The following ST8SIA4 variants were observed in gnomAD, a reference collection of about 807,000 sequenced individuals.
The protein encoded by ST8SIA4 is ST8 alpha-N-acetyl-neuraminide alpha-2,8-sialyltransferase 4.
In ST8SIA4, 15 loss-of-function variants were observed where a neutral mutation model predicts 33.9. The observed-to-expected ratio is 0.44, with a 90% CI of 0.30 to 0.68. ST8SIA4 has a LOEUF of 0.68. ST8SIA4 is among the 30% of genes least tolerant of loss of function. The pLI is 0.10. For missense variants in ST8SIA4, 321 were observed against 428.0 expected, an observed-to-expected ratio of 0.75 and a Z score of 2.21; for synonymous variants, 171 against 151.2, an observed-to-expected ratio of 1.13 and a Z score of -0.96.
Position 100,886,495 on chromosome 5 carries a change from T to G in ST8SIA4, c.351A>C (p.Thr117=), listed in dbSNP as rs111610860. The G allele has an allele frequency of 3.2e-5, 52 of 1,613,820 alleles. No individual in the cohort carries two copies. The Admixed American group carries it at 4.0e-4, about 12-fold the overall frequency. The stretch of plus-strand genomic sequence containing the variant: ...TATGTAGATCATGAGAAATGTTTAG[T>G]GTCCGGCGCCTGTCAAGCACATAGT... ...VIHYVLDRRR[T]LNISHDLHSL... The change falls in exon 3 of 5, where the codon ACA becomes ACC. Residue 117 remains threonine, a synonymous_variant. Coordinates refer to ENST00000231461, the MANE Select transcript of ST8SIA4 (RefSeq NM_005668.6).
At chr5:100,831,790 C>T (rs1751267255) in intron 4 of ST8SIA4, among the ~76,000 whole-genome samples, 1 of 151,878 alleles carries the variant, frequency 6.6e-6, no homozygotes, top group Non-Finnish European at 1.5e-5. Context: ...TCAGGGGGCT[C>T]AAAAAATATA....
At chr5:100,879,571 T>C (rs1455396029) in intron 3 of ST8SIA4, among the ~76,000 whole-genome samples, 3 of 152,208 alleles carry the variant, frequency 2.0e-5, no homozygotes, top group Non-Finnish European at 4.4e-5. Flanking sequence ...GATGTGCACA[T>C]GTAAAGTAGC....
chr5:100,899,398 C>T (rs1392433402), intron 1 of ST8SIA4, among the ~76,000 whole-genome samples: 3 of 152,292 alleles, frequency 2.0e-5, no homozygotes, highest in Non-Finnish European at 2.9e-5. Flanking sequence ...TCTGCACTCA[C>T]GAGGTTGTGT....
intron 3 of ST8SIA4, among the ~76,000 whole-genome samples, chr5:100,870,032 T>G: frequency 6.6e-6 from 1 of 152,164 alleles, no homozygotes; most frequent in East Asian, 1.9e-4. Flanking sequence ...GTGTGTGATG[T>G]TCCCCACCCT....
At chr5:100,830,302 T>C (rs2112413808) in intron 4 of ST8SIA4, among the ~76,000 whole-genome samples, 1 of 152,344 alleles carries the variant, frequency 6.6e-6, no homozygotes, top group South Asian at 2.1e-4. Flanking sequence ...GTATAAGATA[T>C]TTGATTTCAT....
At chr5:100,876,024 T>C (rs1284195412) in intron 3 of ST8SIA4, among the ~76,000 whole-genome samples, 1 of 152,088 alleles carries the variant, frequency 6.6e-6, no homozygotes, top group Non-Finnish European at 1.5e-5. Flanking sequence ...ATTAGTCAAC[T>C]GAATATTTGG....
Position 100,807,602 on chromosome 5 carries a change from C to G in ST8SIA4, c.*4245G>C, listed in dbSNP as rs1750721398. The G allele has an allele frequency of 6.6e-6, 1 of 152,474 alleles. No homozygotes were observed. Among genetic ancestry groups the G allele is most frequent in the South Asian group, 2.1e-4 (1 of 4,822 alleles). 9.4% of individuals were successfully genotyped at this position (152,474 alleles called of 1,614,324 possible). A position where few individuals can be genotyped will look rare whatever the true frequency, so the allele number is the denominator to read the frequency against. On this transcript the variant is annotated 3_prime_UTR_variant, in exon 5 of 5. Coordinates refer to ENST00000231461, the MANE Select transcript of ST8SIA4 (RefSeq NM_005668.6). ...TATTAAGATTTGGACATACTAGACC[C>G]TTACTGTAACTCTACGTATGAACGA...
At chr5:100,874,325 C>CTT (rs1752260190) in intron 3 of ST8SIA4, among the ~76,000 whole-genome samples, 1 of 152,054 alleles carries the variant, frequency 6.6e-6, no homozygotes, top group Non-Finnish European at 1.5e-5. Context: ...TCCAGGTAGA[C>CTT]AGAAAGAGTA....
rs1750734646 is a variant in ST8SIA4, at chr5:100,808,252, T to C, written c.*3595A>G. On this transcript the variant is annotated 3_prime_UTR_variant, in exon 5 of 5. Coordinates refer to ENST00000231461, the MANE Select transcript of ST8SIA4 (RefSeq NM_005668.6). The stretch of plus-strand genomic sequence containing the variant: ...TAGCATTACTTAAATAAATTGCTTT[T>C]GTAAGCATATATGTAGAAATTCCCA... The C allele has an allele frequency of 6.6e-6, 1 of 152,662 alleles. No individual in the cohort carries two copies. The highest frequency in any genetic ancestry group is 1.5e-5 in the Non-Finnish European group (1 of 68,014). The allele number at this position is 152,662 out of a possible 1,614,324, so 9.5% of individuals were successfully genotyped here.
intron 4 of ST8SIA4, among the ~76,000 whole-genome samples, chr5:100,813,266 T>C (rs1004340619): frequency 6.6e-6 from 1 of 152,078 alleles, no homozygotes; most frequent in Non-Finnish European, 1.5e-5. Flanking sequence ...AATAAATTTA[T>C]ACTTTCAAAC....
At chr5:100,816,939 CT>C (rs756462025) in intron 4 of ST8SIA4, among the ~76,000 whole-genome samples, 199 of 140,526 alleles carry the variant, frequency 1.4e-3, no homozygotes, top group Admixed American at 1.9e-3. Context: ...GGCTTTTTTT[CT>C]TTTTTTTTTT....
At chr5:100,899,261 C>T (rs1752845602) in intron 1 of ST8SIA4, among the ~76,000 whole-genome samples, 1 of 152,108 alleles carries the variant, frequency 6.6e-6, no homozygotes, top group Non-Finnish European at 1.5e-5. Context: ...ACACAGCAGG[C>T]CATTTTGTAT....
chr5:100,900,101 A>T (rs1459241368), intron 1 of ST8SIA4, among the ~76,000 whole-genome samples: 1 of 152,202 alleles, frequency 6.6e-6, no homozygotes, highest in South Asian at 2.1e-4. Flanking sequence ...GGCATACTGT[A>T]AGAGTAACTA....
At chr5:100,836,995 AACACACACACACACAC>A (rs143119843) in intron 4 of ST8SIA4, among the ~76,000 whole-genome samples, 3 of 146,298 alleles carry the variant, frequency 2.1e-5, no homozygotes, top group South Asian at 2.2e-4. Context: ...TTAGTGCTAA[AACACACACACACACAC>A]ACACACACAC....
chr5:100,839,526 C>T (rs1751431962), intron 4 of ST8SIA4, among the ~76,000 whole-genome samples: 1 of 151,872 alleles, frequency 6.6e-6, no homozygotes, highest in African/African-American at 2.4e-5. Flanking sequence ...CTATAAATCC[C>T]TAGCTACAAA....
At chr5:100,839,263 A>C (rs1751425398) in intron 4 of ST8SIA4, among the ~76,000 whole-genome samples, 1 of 152,056 alleles carries the variant, frequency 6.6e-6, no homozygotes, top group Non-Finnish European at 1.5e-5. Flanking sequence ...AATTTCATTT[A>C]AATGAAAATA....
intron 4 of ST8SIA4, among the ~76,000 whole-genome samples, chr5:100,837,979 A>G (rs2112421043): frequency 6.6e-6 from 1 of 152,160 alleles, no homozygotes; most frequent in South Asian, 2.1e-4. Flanking sequence ...GAGTGTCTGA[A>G]TCAATTACCA....
At chr5:100,892,106 T>C (rs1752683371) in intron 2 of ST8SIA4, among the ~76,000 whole-genome samples, 1 of 152,116 alleles carries the variant, frequency 6.6e-6, no homozygotes, top group African/African-American at 2.4e-5. Context: ...TGTACATTTG[T>C]ACATTTCTAT....
At chr5:100,817,920 C>T (rs756471096) in intron 4 of ST8SIA4, among the ~76,000 whole-genome samples, 48 of 151,964 alleles carry the variant, frequency 3.2e-4, no homozygotes, top group South Asian at 2.1e-4. Context: ...AAAAGATAAG[C>T]GATTACTAAG....
Sources: allele counts gnomAD v4.1 joint callset (sites outside exome capture counted in the v4.1 genomes callset), GRCh38; gene constraint gnomAD v4.1.1; transcripts MANE v1.5; gene names NCBI Gene and HGNC (gene_info 2026-07-23, HGNC 2026-07-21).